PRIM2: variants seen among roughly 807,000 people sequenced by gnomAD.
PRIM2 encodes the protein DNA primase large subunit.
A neutral mutation model predicts 67.3 loss-of-function variants in PRIM2; 39 were observed. The observed-to-expected ratio is 0.58, with a 90% CI of 0.45 to 0.76. The LOEUF (loss-of-function observed/expected upper bound fraction) is 0.76. Among genes scored for constraint, PRIM2 ranks in the 30% least tolerant of loss-of-function variants. PRIM2 has a pLI of 0.00. For synonymous variants in PRIM2, 143 were observed against 198.7 expected, an observed-to-expected ratio of 0.72 and a Z score of 2.36; for missense variants, 398 against 598.7, an observed-to-expected ratio of 0.66 and a Z score of 3.50.
intron 10 of PRIM2, among the ~76,000 whole-genome samples, chr6:57,547,710 G>A (rs1201820118): frequency 6.6e-6 from 1 of 152,148 alleles, no homozygotes; most frequent in African/African-American, 2.4e-5. Context: ...CACATTTTCT[G>A]TAGCTGTGGT....
At chr6:57,509,701 C>T (rs1774321196) in intron 8 of PRIM2, among the ~76,000 whole-genome samples, 3 of 151,954 alleles carry the variant, frequency 2.0e-5, no homozygotes, top group African/African-American at 7.2e-5. Context: ...ATGCTTTTTG[C>T]TCACTCACCC....
At chr6:57,519,559 G>A (rs1172737761) in intron 8 of PRIM2, among the ~76,000 whole-genome samples, 101 of 152,292 alleles carry the variant, frequency 6.6e-4, no homozygotes, top group African/African-American at 2.4e-3. Flanking sequence ...CAGAGTTTAA[G>A]GTTCTCTCTC....
upstream of PRIM2, among the ~76,000 whole-genome samples, chr6:57,312,059 AGGGG>A (rs1562687186): frequency 2.3e-4 from 25 of 108,122 alleles, no homozygotes; most frequent in South Asian, 6.5e-4. Flanking sequence ...GAGAGGGGAG[AGGGG>A]AGAGGGGGGA....
intron 12 of PRIM2, among the ~76,000 whole-genome samples, chr6:57,611,530 G>A (rs1252263747): frequency 2.0e-5 from 3 of 152,284 alleles, no homozygotes; most frequent in Admixed American, 1.3e-4. Context: ...AAATGGTAAT[G>A]TGGAGTTCCA....
intron 7 of PRIM2, among the ~76,000 whole-genome samples, chr6:57,481,763 G>A (rs1773634492): frequency 6.6e-6 from 1 of 152,118 alleles, no homozygotes; most frequent in Admixed American, 6.6e-5. Context: ...GGCATTTGGT[G>A]TCATCACTGT....
At chr6:57,457,009 C>G (rs1317030014) in intron 7 of PRIM2, among the ~76,000 whole-genome samples, 1 of 152,212 alleles carries the variant, frequency 6.6e-6, no homozygotes, top group South Asian at 2.1e-4. Context: ...TTCTAACAGT[C>G]AGGACCCTCA....
intron 10 of PRIM2, among the ~76,000 whole-genome samples, chr6:57,598,119 C>A (rs1292773175): frequency 6.6e-6 from 1 of 152,134 alleles, no homozygotes; most frequent in African/African-American, 2.4e-5. Context: ...TTTGGGCAAT[C>A]TGGCTTCTCA....
At chr6:57,312,344 A>T (rs998489107), upstream of PRIM2, among the ~76,000 whole-genome samples, 8 of 152,154 alleles carry the variant, frequency 5.3e-5, no homozygotes, top group Admixed American at 3.9e-4. Context: ...CTACAAAAAA[A>T]TTTAAAAATC....
the PRIM2 span, among the ~76,000 whole-genome samples, chr6:57,239,861 G>A: frequency 6.6e-6 from 1 of 152,140 alleles, no homozygotes; most frequent in African/African-American, 2.4e-5. Flanking sequence ...AATCTGCAAT[G>A]TGAATTTTGG....
At position 57,560,798 on chromosome 6, in the gene PRIM2, C is replaced by CT. The variant is rs1205128674; in HGVS notation, c.1020+23173_1020+23174insT. Among the ~76,000 whole-genome samples the CT allele has an allele frequency of 1.4e-4, 21 of 152,230 alleles. No homozygotes were observed. The South Asian group carries it at 4.0e-3, about 29-fold the overall frequency. On this transcript the variant is annotated intron_variant, in intron 10 of 13. Transcript: ENST00000615550. ...AGTCTCAATAGTGGGCTTAACTGTT[C>CT]AGTAAACTCTGCTATAAACAGATAT...
At chr6:57,234,723 C>G in the PRIM2 span, among the ~76,000 whole-genome samples, 4 of 152,012 alleles carry the variant, frequency 2.6e-5, no homozygotes, top group Non-Finnish European at 5.9e-5. Flanking sequence ...TGGGGTTTCA[C>G]TGTGTTAGCC....
chr6:57,313,660 A>G (rs1009312495), upstream of PRIM2, among the ~76,000 whole-genome samples: 2 of 152,108 alleles, frequency 1.3e-5, no homozygotes, highest in Non-Finnish European at 1.5e-5. Context: ...GGAGGGCCAG[A>G]GGTTGGCTAA....
intron 8 of PRIM2, among the ~76,000 whole-genome samples, chr6:57,517,452 T>A (rs1774509511): frequency 6.6e-6 from 1 of 152,164 alleles, no homozygotes; most frequent in Non-Finnish European, 1.5e-5. Context: ...TTTAATCCAG[T>A]AGCCAATAGC....
chr6:57,367,595 T>C (rs543745466), intron 5 of PRIM2, among the ~76,000 whole-genome samples: 71 of 152,346 alleles, frequency 4.7e-4, no homozygotes, highest in African/African-American at 1.7e-3. Context: ...GGATTCAGAA[T>C]GGGCTTACAG....
the PRIM2 span, among the ~76,000 whole-genome samples, chr6:57,245,196 C>G: frequency 3.3e-5 from 5 of 152,302 alleles, no homozygotes; most frequent in African/African-American, 1.2e-4. Flanking sequence ...GGCATGTTAC[C>G]AGGCCAGGTC....
the PRIM2 span, among the ~76,000 whole-genome samples, chr6:57,256,089 A>T: frequency 6.6e-6 from 1 of 152,118 alleles, no homozygotes; most frequent in South Asian, 2.1e-4. Context: ...AAGGATAAAT[A>T]CTGTCTTGCT....
intron 10 of PRIM2, among the ~76,000 whole-genome samples, chr6:57,598,128 C>T (rs1220095497): frequency 3.3e-5 from 5 of 152,250 alleles, no homozygotes; most frequent in African/African-American, 1.2e-4. Context: ...TCTGGCTTCT[C>T]ACTATTTAAC....
intron 7 of PRIM2, among the ~76,000 whole-genome samples, chr6:57,458,251 C>G (rs1353339205): frequency 7.2e-5 from 11 of 152,296 alleles, no homozygotes; most frequent in African/African-American, 2.6e-4. Context: ...CAGAAAAAAA[C>G]ATCATGCATG....
intron 7 of PRIM2, among the ~76,000 whole-genome samples, chr6:57,440,459 C>A (rs4560631): frequency 1.3e-5 from 2 of 152,076 alleles, no homozygotes; most frequent in Admixed American, 6.6e-5. Context: ...GCAAGAGAGA[C>A]ATATATTAAA....
Sources: gnomAD v4.1 joint callset for allele counts (sites outside exome capture counted in the v4.1 genomes callset) on GRCh38, gnomAD v4.1.1 for gene constraint, MANE v1.5 for transcripts, NCBI Gene and HGNC (gene_info 2026-07-23, HGNC 2026-07-21) for gene names.